Variants in PCDH11Y observed in about 807,000 individuals in gnomAD.
The protein encoded by PCDH11Y is protocadherin-11 Y-linked.
For missense variants in PCDH11Y, 12 were observed against 224.8 expected (o/e 0.05, Z 6.05); for synonymous variants, 9 against 83.6 (o/e 0.11, Z 4.87).
chrY:5,691,884 A>G (rs1602960613), intron 4 of PCDH11Y, among the ~76,000 whole-genome samples: 1 of 29,352 alleles, frequency 3.4e-5, no homozygotes, highest in Admixed American at 3.3e-4. Context: ...TGGCCAACAT[A>G]GGGAAACCCT....
chrY:5,500,339 A>G (rs1602934787), intron 2 of PCDH11Y, among the ~76,000 whole-genome samples: 1 of 31,920 alleles, frequency 3.1e-5, no homozygotes, highest in Non-Finnish European at 7.6e-5. Context: ...GATCTGGTGA[A>G]GATGTTACAA....
intron 2 of PCDH11Y, among the ~76,000 whole-genome samples, chrY:5,330,105 G>A (rs1167873277): frequency 4.0e-4 from 13 of 32,495 alleles, no homozygotes; most frequent in Non-Finnish European, 1.5e-4. Flanking sequence ...GGGTGGGGCC[G>A]TTTTATAAGA....
At chrY:5,292,262 A>G in intron 2 of PCDH11Y, among the ~76,000 whole-genome samples, 2 of 33,364 alleles carry the variant, frequency 6.0e-5, no homozygotes, top group Admixed American at 5.5e-4. Context: ...AATACTGGCC[A>G]CGTTGAATGA....
chrY:5,619,033 AAAGAAAG>A (rs2053497265), intron 4 of PCDH11Y, among the ~76,000 whole-genome samples: 1 of 28,006 alleles, frequency 3.6e-5, no homozygotes, highest in Non-Finnish European at 8.9e-5. Context: ...TGAATGAAAG[AAAGAAAG>A]AAGAAAGAAA....
At chrY:5,435,906 G>A (rs2053274805) in intron 2 of PCDH11Y, among the ~76,000 whole-genome samples, 1 of 32,646 alleles carries the variant, frequency 3.1e-5, no homozygotes, top group Admixed American at 2.8e-4. Context: ...CATCATGCCT[G>A]AGGACTGTTT....
chrY:5,486,708 CATAT>C (rs2053332612), intron 2 of PCDH11Y, among the ~76,000 whole-genome samples: 1 of 5,101 alleles, frequency 2.0e-4, no homozygotes, highest in Non-Finnish European at 3.1e-4. Flanking sequence ...TATATATACA[CATAT>C]ATATATATAT....
chrY:5,301,386 T>C, intron 2 of PCDH11Y, among the ~76,000 whole-genome samples: 9 of 33,606 alleles, frequency 2.7e-4, no homozygotes, highest in Admixed American at 2.5e-3. Flanking sequence ...ATTCAAAATT[T>C]CTAGATTCTC....
intron 4 of PCDH11Y, among the ~76,000 whole-genome samples, chrY:5,666,144 C>T (rs1334780354): frequency 3.0e-4 from 10 of 33,433 alleles, no homozygotes; most frequent in Non-Finnish European, 5.2e-4. Flanking sequence ...GCCTGAAATA[C>T]CCATCTTTTG....
chrY:5,578,604 T>C (rs2053448373), intron 3 of PCDH11Y, among the ~76,000 whole-genome samples: 1 of 32,776 alleles, frequency 3.1e-5, no homozygotes, highest in Admixed American at 2.8e-4. Flanking sequence ...CTGCCTGGGC[T>C]ACAGAGTGAG....
downstream of PCDH11Y, among the ~76,000 whole-genome samples, chrY:5,108,725 C>T (rs1432760147): frequency 1.8e-4 from 3 of 16,976 alleles, no homozygotes; most frequent in South Asian, 1.5e-3. Flanking sequence ...CCAGCCTGGG[C>T]GACAGAGCTA....
chrY:5,038,133 T>A, intron 3 of PCDH11Y, among the ~76,000 whole-genome samples: 3 of 32,776 alleles, frequency 9.2e-5, no homozygotes, highest in Admixed American at 8.5e-4. Context: ...AGCATATATT[T>A]AAGGAAGGAT....
chrY:5,479,277 C>A (rs2053323112), intron 2 of PCDH11Y, among the ~76,000 whole-genome samples: 1 of 33,367 alleles, frequency 3.0e-5, no homozygotes. Context: ...GATTTCATTT[C>A]TCTTTCACTT....
chrY:5,411,351 T>A, intron 2 of PCDH11Y, among the ~76,000 whole-genome samples: 1 of 14,428 alleles, frequency 6.9e-5, no homozygotes, highest in African/African-American at 2.9e-4. Context: ...GTTGGATGCA[T>A]TGTTTGCAAA....
downstream of PCDH11Y, among the ~76,000 whole-genome samples, chrY:5,107,841 C>G (rs1602868430): frequency 3.1e-5 from 1 of 32,676 alleles, no homozygotes; most frequent in Non-Finnish European, 7.5e-5. Flanking sequence ...GGGTGGATCA[C>G]GAGGTCAGGA....
chrY:5,317,386 A>C (rs2053108338), intron 2 of PCDH11Y, among the ~76,000 whole-genome samples: 1 of 32,807 alleles, frequency 3.0e-5, no homozygotes, highest in Non-Finnish European at 7.5e-5. Flanking sequence ...CCTTTCACAG[A>C]GATGTGGTTT....
intron 2 of PCDH11Y, among the ~76,000 whole-genome samples, chrY:5,351,855 T>C: frequency 3.3e-5 from 1 of 30,330 alleles, no homozygotes; most frequent in Non-Finnish European, 7.9e-5. Context: ...TTTATTGGTG[T>C]TTTCATTTTC....
chrY:5,129,777 G>T (rs2052831523), intron 2 of PCDH11Y, among the ~76,000 whole-genome samples: 1 of 30,653 alleles, frequency 3.3e-5, no homozygotes. Context: ...GGGGTTTGTT[G>T]TACAGGTTAT....
At chrY:5,642,011 G>C in intron 4 of PCDH11Y, among the ~76,000 whole-genome samples, 2 of 33,780 alleles carry the variant, frequency 5.9e-5, no homozygotes, top group Non-Finnish European at 1.5e-4. Context: ...TGGTGAGAGA[G>C]TTAATTAACT....
intron 2 of PCDH11Y, among the ~76,000 whole-genome samples, chrY:5,388,601 G>T (rs2053218646): frequency 3.1e-5 from 1 of 32,774 alleles, no homozygotes; most frequent in Non-Finnish European, 7.4e-5. Flanking sequence ...GTATATTTCT[G>T]TAGGAGTTCT....
Sources: allele counts gnomAD v4.1 joint callset (sites outside exome capture counted in the v4.1 genomes callset), GRCh38; gene constraint gnomAD v4.1.1; transcripts MANE v1.5; gene names NCBI Gene and HGNC (gene_info 2026-07-23, HGNC 2026-07-21).